Variants in TLN2 observed in about 807,000 individuals in gnomAD.
The protein encoded by TLN2 is talin-2.
A neutral mutation model predicts 294.7 loss-of-function variants in TLN2; 118 were observed. The observed-to-expected ratio is 0.40, with a 90% CI of 0.34 to 0.47. The LOEUF is 0.47. Among genes scored for constraint, TLN2 ranks in the 20% least tolerant of loss-of-function variants. The pLI is 0.84. For synonymous variants in TLN2, 1,431 were observed against 1,304.5 expected, an observed-to-expected ratio of 1.10 and a Z score of -2.09; for missense variants, 3,083 against 3,282.2, an observed-to-expected ratio of 0.94 and a Z score of 1.48.
intron 50 of TLN2, among the ~76,000 whole-genome samples, chr15:62,804,973 C>T (rs1179056272): frequency 6.6e-6 from 1 of 152,132 alleles, no homozygotes; most frequent in Non-Finnish European, 1.5e-5. Context: ...ATTGACTTAC[C>T]ATGGTGAATT....
At chr15:62,826,238 T>G (rs1163365515) in intron 54 of TLN2, among the ~76,000 whole-genome samples, 1 of 152,088 alleles carries the variant, frequency 6.6e-6, no homozygotes, top group South Asian at 2.1e-4. Context: ...ATTAAAAGAT[T>G]ATTTCAGTGG....
At chr15:62,597,674 C>T (rs375313340) in intron 2 of TLN2, among the ~76,000 whole-genome samples, 8 of 152,260 alleles carry the variant, frequency 5.3e-5, no homozygotes, top group African/African-American at 1.9e-4. Context: ...ATCCAGACTG[C>T]TTGGGTCCAG....
chr15:62,560,547 G>A (rs1357219530), intron 1 of TLN2, among the ~76,000 whole-genome samples: 2 of 152,164 alleles, frequency 1.3e-5, no homozygotes, highest in Admixed American at 6.5e-5. Context: ...GGCTGGTCTC[G>A]AACTCTTGAC....
intron 27 of TLN2, 108 bp from the exon 28 acceptor site, chr15:62,726,979 A>G: frequency 8.7e-7 from 1 of 1,146,168 alleles, no homozygotes; most frequent in Non-Finnish European, 1.3e-6. Flanking sequence ...TTGGTGGGAA[A>G]GAGCTAGGGC....
chr15:62,780,061 C>G (rs753917074), intron 43 of TLN2, among the ~76,000 whole-genome samples: 2 of 152,190 alleles, frequency 1.3e-5, no homozygotes, highest in Admixed American at 1.3e-4. Flanking sequence ...TTGCTTACCC[C>G]AGATCCCACT....
chr15:62,393,849 CTTTT>C, intron 1 of TLN2, among the ~76,000 whole-genome samples: 1 of 138,282 alleles, frequency 7.2e-6, no homozygotes, highest in African/African-American at 2.7e-5. Flanking sequence ...TTGCCTGATT[CTTTT>C]TTTTTTTTTT....
At chr15:62,475,701 A>C (rs2037748428) in intron 1 of TLN2, among the ~76,000 whole-genome samples, 1 of 152,196 alleles carries the variant, frequency 6.6e-6, no homozygotes, top group Non-Finnish European at 1.5e-5. Flanking sequence ...AAATGTGAAC[A>C]GTTCTTTCTT....
At chr15:62,593,019 T>C (rs1048419434) in intron 2 of TLN2, among the ~76,000 whole-genome samples, 7 of 152,218 alleles carry the variant, frequency 4.6e-5, no homozygotes, top group Admixed American at 3.9e-4. Flanking sequence ...ATGAAAAATA[T>C]TGTTTTTGGC....
At chr15:62,429,315 A>AT (rs2034888414) in intron 1 of TLN2, among the ~76,000 whole-genome samples, 1 of 152,112 alleles carries the variant, frequency 6.6e-6, no homozygotes, top group South Asian at 2.1e-4. Context: ...GGATGAACTG[A>AT]TTCATCGGTT....
At position 62,450,145 on chromosome 15, in the gene TLN2, A is replaced by T. The variant is rs187695332; in HGVS notation, c.-238+59460A>T. ...CTCTCAGCTTCCAGGCCGGCCTCTCAGTGTGTGTCTCAGTAGAGTCTTCAC... is the reference window on the plus strand; with the variant it reads ...CTCTCAGCTTCCAGGCCGGCCTCTCTGTGTGTGTCTCAGTAGAGTCTTCAC... On this transcript the variant is annotated intron_variant, in intron 1 of 58. Coordinates refer to ENST00000636159, the MANE Select transcript of TLN2 (RefSeq NM_015059.3). Among the ~76,000 whole-genome samples, 413 of 152,048 alleles carry T rather than the reference A, an allele frequency of 2.7e-3. 2 individuals carry two copies. Among genetic ancestry groups the T allele is most frequent in the African/African-American group, 9.6e-3 (398 of 41,482 alleles).
chr15:62,525,076 A>G (rs1235653894), intron 1 of TLN2, among the ~76,000 whole-genome samples: 5 of 152,160 alleles, frequency 3.3e-5, no homozygotes, highest in Non-Finnish European at 4.4e-5. Flanking sequence ...TGTGAACACT[A>G]TTGCAGTCCA....
chr15:62,734,385 C>G (rs908271108), intron 28 of TLN2, among the ~76,000 whole-genome samples: 3 of 152,192 alleles, frequency 2.0e-5, no homozygotes, highest in African/African-American at 7.2e-5. Flanking sequence ...AACTCAGCCT[C>G]TCCTAAAACC....
intron 1 of TLN2, among the ~76,000 whole-genome samples, chr15:62,452,890 T>G (rs1414073911): frequency 6.6e-6 from 1 of 152,140 alleles, no homozygotes; most frequent in East Asian, 1.9e-4. Flanking sequence ...CTGGGGGCTC[T>G]CGAAGTTTGC....
Position 62,835,913 on chromosome 15 carries a change from C to T in TLN2, c.7214C>T (p.Thr2405Ile). ...ISAARMVAAA[T>I]SSLCEAANAS... is the part of the protein sequence containing the mutation. ...CAGGCCCGGATGGTGGCGGCTGCGACCAGCAGTCTCTGTGAGGCGGCCAAT... is the reference window on the plus strand; with the variant it reads ...CAGGCCCGGATGGTGGCGGCTGCGATCAGCAGTCTCTGTGAGGCGGCCAAT... Residue 2405 changes from threonine (T) to isoleucine (I), a missense_variant, in exon 57 of 59, where the codon ACC becomes ATC. Coordinates refer to ENST00000636159, the MANE Select transcript of TLN2 (RefSeq NM_015059.3). 1.9e-6 allele frequency: 3 copies of T among 1,614,216 alleles called. No individual in the cohort carries two copies. Among genetic ancestry groups the T allele is most frequent in the South Asian group, 1.1e-5 (1 of 91,076 alleles).
chr15:62,441,853 A>G (rs1229273239), intron 1 of TLN2, among the ~76,000 whole-genome samples: 1 of 152,190 alleles, frequency 6.6e-6, no homozygotes, highest in Non-Finnish European at 1.5e-5. Flanking sequence ...CCAGATGGAT[A>G]AACACGTGGA....
intron 1 of TLN2, among the ~76,000 whole-genome samples, chr15:62,459,854 C>T (rs1342093098): frequency 1.3e-5 from 2 of 152,028 alleles, no homozygotes; most frequent in South Asian, 2.1e-4. Flanking sequence ...TTAGCCAAAG[C>T]GATTGCTTTG....
intron 3 of TLN2, among the ~76,000 whole-genome samples, chr15:62,646,984 G>C (rs1567254154): frequency 6.6e-6 from 1 of 152,176 alleles, no homozygotes; most frequent in Non-Finnish European, 1.5e-5. Flanking sequence ...CAAGGAGGGG[G>C]ACTACTCAGA....
intron 1 of TLN2, among the ~76,000 whole-genome samples, chr15:62,537,228 C>T (rs1168987066): frequency 6.6e-6 from 1 of 152,106 alleles, no homozygotes; most frequent in Non-Finnish European, 1.5e-5. Flanking sequence ...CCGTGTTAGC[C>T]AGGATGATCT....
intron 24 of TLN2, among the ~76,000 whole-genome samples, chr15:62,718,686 G>T (rs1006060557): frequency 6.6e-6 from 1 of 152,184 alleles, no homozygotes. Flanking sequence ...CTGAGAGTGA[G>T]GCCTCTGCTG....
Sources: gnomAD v4.1 joint callset for allele counts (sites outside exome capture counted in the v4.1 genomes callset) on GRCh38, gnomAD v4.1.1 for gene constraint, MANE v1.5 for transcripts, NCBI Gene and HGNC (gene_info 2026-07-23, HGNC 2026-07-21) for gene names.